Variants in FAF1 observed in about 807,000 individuals in gnomAD.
FAF1 encodes Fas associated factor 1, also known as FAS-associated factor 1.
In FAF1, 25 loss-of-function variants were observed where a neutral mutation model predicts 92.5. That is an observed-to-expected ratio of 0.27 (90% CI 0.20 to 0.38). FAF1 has a LOEUF of 0.38. FAF1 is among the 10% of genes least tolerant of loss of function. The probability of loss-of-function intolerance (pLI) is 1.00; values close to 1 mark genes in which losing one functional copy is unlikely to be tolerated. For missense variants in FAF1, 636 were observed against 793.3 expected (o/e 0.80, Z 2.38); for synonymous variants, 234 against 273.2 (o/e 0.86, Z 1.42).
chr1:50,846,413 C>A lies in FAF1; in HGVS notation c.114+11516G>T, dbSNP rs567185064. 74 of 381,888 alleles carry A rather than the reference C, an allele frequency of 1.9e-4. 1 individual carries two copies. Among genetic ancestry groups the A allele is most frequent in the South Asian group, 1.4e-3 (67 of 49,392 alleles). 23.7% of individuals were successfully genotyped at this position (381,888 alleles called of 1,614,324 possible). A position where few individuals can be genotyped will look rare whatever the true frequency, so the allele number is the denominator to read the frequency against. On this transcript the variant is annotated intron_variant, in intron 2 of 18. Transcript: ENST00000396153. Reference sequence around the variant, plus strand: ...TCCCCGCCATCCCTGCCATCCCGCCCCTTCGCGTCCTGGGAACCAGCTCGC... The same window carrying A: ...TCCCCGCCATCCCTGCCATCCCGCCACTTCGCGTCCTGGGAACCAGCTCGC...
chr1:50,514,295 G>C (rs1168956203), intron 15 of FAF1, among the ~76,000 whole-genome samples: 1 of 152,148 alleles, frequency 6.6e-6, no homozygotes, highest in African/African-American at 2.4e-5. Context: ...GTGTTTAGCA[G>C]ATTTTTAAAA....
At chr1:50,778,926 T>C (rs1661060215) in intron 4 of FAF1, among the ~76,000 whole-genome samples, 1 of 152,208 alleles carries the variant, frequency 6.6e-6, no homozygotes, top group South Asian at 2.1e-4. Context: ...TATGATGCTG[T>C]TTGATAGTAT....
intron 13 of FAF1, among the ~76,000 whole-genome samples, chr1:50,546,324 T>G (rs1446329552): frequency 9.9e-5 from 15 of 152,218 alleles, no homozygotes; most frequent in Admixed American, 7.9e-4. Flanking sequence ...GTTTACCATT[T>G]GTGTAAAACT....
intron 12 of FAF1, among the ~76,000 whole-genome samples, chr1:50,571,168 T>C (rs988687320): frequency 6.6e-6 from 1 of 152,180 alleles, no homozygotes; most frequent in Non-Finnish European, 1.5e-5. Flanking sequence ...ATCTAACAAA[T>C]GATAATATTG....
At chr1:50,702,623 G>C (rs1313039089) in intron 7 of FAF1, among the ~76,000 whole-genome samples, 1 of 151,964 alleles carries the variant, frequency 6.6e-6, no homozygotes, top group Admixed American at 6.6e-5. Flanking sequence ...GGAAGGATTT[G>C]TACAGAGTTT....
chr1:50,765,985 G>A lies in FAF1; in HGVS notation c.368-21210C>T, dbSNP rs972627302. On this transcript the variant is annotated intron_variant, in intron 4 of 18. Coordinates refer to ENST00000396153, the MANE Select transcript of FAF1 (RefSeq NM_007051.3). ...CGGGTGCCTGTAATCCCAGCTAGTC[G>A]GGAGGCTGAGGCAGAAGAATAGCTT... 4.6e-5 allele frequency among the ~76,000 whole-genome samples: 7 copies of A among 152,042 alleles called. No individual in the cohort carries two copies. In the East Asian group the frequency reaches 9.6e-4, roughly 21 times the overall value.
chr1:50,739,384 A>G (rs920698692), intron 5 of FAF1, among the ~76,000 whole-genome samples: 16 of 129,164 alleles, frequency 1.2e-4, no homozygotes, highest in African/African-American at 3.1e-4. Flanking sequence ...ACATATACAT[A>G]TATGTGTGTT....
At chr1:50,952,535 C>G (rs1166878078) in intron 1 of FAF1, among the ~76,000 whole-genome samples, 2 of 152,240 alleles carry the variant, frequency 1.3e-5, no homozygotes, top group Non-Finnish European at 2.9e-5. Context: ...GCCACTCCAT[C>G]TGGGAAGTGA....
intron 1 of FAF1, among the ~76,000 whole-genome samples, chr1:50,928,782 C>CAAAAAAAAAAAAAAAAAAAAAAA (rs1157426126): frequency 5.0e-5 from 2 of 39,704 alleles, no homozygotes; most frequent in East Asian, 8.5e-4. Flanking sequence ...GACTCCACCT[C>CAAAAAAAAAAAAAAAAAAAAAAA]AAAAAAAAAA....
intron 1 of FAF1, among the ~76,000 whole-genome samples, chr1:50,866,238 G>A (rs1160267369): frequency 6.6e-6 from 1 of 152,070 alleles, no homozygotes; most frequent in African/African-American, 2.4e-5. Context: ...TTATACTGAA[G>A]TTCCAGGAAA....
At chr1:50,867,597 G>C (rs563373460) in intron 1 of FAF1, among the ~76,000 whole-genome samples, 1 of 151,982 alleles carries the variant, frequency 6.6e-6, no homozygotes. Context: ...CATCACTAAT[G>C]ATCAGGCAAA....
At chr1:50,706,388 A>T (rs375295185) in intron 6 of FAF1, among the ~76,000 whole-genome samples, 1 of 152,224 alleles carries the variant, frequency 6.6e-6, no homozygotes, top group African/African-American at 2.4e-5. Flanking sequence ...GTAAAAATTC[A>T]TTCAAAATAA....
At chr1:50,648,507 T>C (rs1216311072) in intron 8 of FAF1, among the ~76,000 whole-genome samples, 1 of 152,158 alleles carries the variant, frequency 6.6e-6, no homozygotes, top group African/African-American at 2.4e-5. Flanking sequence ...AAAACAAACC[T>C]GGAAGGGAAG....
intron 7 of FAF1, among the ~76,000 whole-genome samples, chr1:50,667,685 A>G (rs925224574): frequency 1.1e-4 from 17 of 152,214 alleles, no homozygotes; most frequent in African/African-American, 4.1e-4. Context: ...ACTTGCCTAA[A>G]TGTCATTCAC....
chr1:50,453,917 A>G (rs1253617013), intron 18 of FAF1, among the ~76,000 whole-genome samples: 1 of 152,170 alleles, frequency 6.6e-6, no homozygotes, highest in African/African-American at 2.4e-5. Flanking sequence ...GGAACTGCAA[A>G]CCTGCCTCCT....
intron 4 of FAF1, among the ~76,000 whole-genome samples, chr1:50,783,551 T>C (rs1661257700): frequency 1.3e-5 from 2 of 152,082 alleles, no homozygotes; most frequent in African/African-American, 4.8e-5. Flanking sequence ...CAAAGTGAGA[T>C]TTATCCCTGG....
chr1:50,729,059 T>TATATATATA (rs1491171349), intron 6 of FAF1, among the ~76,000 whole-genome samples: 18 of 38,162 alleles, frequency 4.7e-4, no homozygotes, highest in South Asian at 1.2e-3. Flanking sequence ...TATATATATA[T>TATATATATA]TTTTTTTTTT....
At chr1:50,813,544 T>A (rs1010777931) in intron 2 of FAF1, among the ~76,000 whole-genome samples, 1 of 152,144 alleles carries the variant, frequency 6.6e-6, no homozygotes, top group Non-Finnish European at 1.5e-5. Context: ...CACTGCAGCC[T>A]CAACCTCCAT....
chr1:50,793,035 G>A (rs755482008), intron 3 of FAF1, among the ~76,000 whole-genome samples: 2 of 151,922 alleles, frequency 1.3e-5, no homozygotes, highest in African/African-American at 4.8e-5. Flanking sequence ...AACTGAGCAT[G>A]GTATTTTTAA....
Sources: allele counts gnomAD v4.1 joint callset (sites outside exome capture counted in the v4.1 genomes callset), GRCh38; gene constraint gnomAD v4.1.1; transcripts MANE v1.5; gene names NCBI Gene and HGNC (gene_info 2026-07-23, HGNC 2026-07-21).